Variants in OXA1L observed in about 807,000 individuals in gnomAD.
OXA1L encodes the protein mitochondrial inner membrane protein OXA1L.
Under a neutral mutation model 52.2 loss-of-function variants are expected in OXA1L, and 42 were observed. The observed-to-expected ratio is 0.80, with a 90% CI of 0.63 to 1.04. The LOEUF (loss-of-function observed/expected upper bound fraction) is 1.04. OXA1L is among the 50% of genes least tolerant of loss of function. OXA1L has a pLI of 0.00. For missense variants in OXA1L, 572 were observed against 555.0 expected, an observed-to-expected ratio of 1.03 and a Z score of -0.31; for synonymous variants, 239 against 201.9, an observed-to-expected ratio of 1.18 and a Z score of -1.56.
Position 22,768,322 on chromosome 14 carries a change from A to T in OXA1L, c.439+151A>T, listed in dbSNP as rs1056225927. ...ATAGAGGTTCATGATACCTAGATGCACTCTGCCTATATTTCTTAAAGAGCA... is the reference window on the plus strand; with the variant it reads ...ATAGAGGTTCATGATACCTAGATGCTCTCTGCCTATATTTCTTAAAGAGCA... On this transcript the variant is annotated intron_variant, in intron 3 of 9. Transcript: ENST00000612549. 3 of 629,506 alleles carry T rather than the reference A, an allele frequency of 4.8e-6. No individual in the cohort carries two copies. In the African/African-American group the frequency reaches 5.5e-5, roughly 11 times the overall value. 39.0% of individuals were successfully genotyped at this position (629,506 alleles called of 1,614,324 possible). A position where few individuals can be genotyped will look rare whatever the true frequency, so the allele number is the denominator to read the frequency against.
intron 1 of OXA1L, 183 bp from the exon 2 acceptor site, chr14:22,767,065 T>G: frequency 6.5e-7 from 1 of 1,536,438 alleles, no homozygotes. Flanking sequence ...CGAGCTTCGC[T>G]CTGCAGGCAC....
rs370395580 is a variant in OXA1L at position 22,769,841 on chromosome 14, C to T, written c.490C>T (p.Arg164Ter). The change falls in exon 4 of 10, where the codon CGA (arginine) becomes TGA (stop). Residue 164 changes from arginine (R) to a stop codon, truncating the protein, a stop_gained. Coordinates refer to ENST00000612549, the MANE Select transcript of OXA1L (RefSeq NM_005015.5). LOFTEE classifies it high-confidence loss of function. Reference protein sequence around the residue: ...LIFPLIVTGQREAARIHNHLP... With the variant: ...LIFPLIVTGQ ...TTTTCCTCTCATCGTGACGGGCCAG[C>T]GAGAGGCAGCCAGGATCCACAATCA... is the stretch of plus-strand genomic sequence containing the variant. 6.8e-5 allele frequency: 109 copies of T among 1,613,970 alleles called. No individual in the cohort carries two copies. The highest frequency in any genetic ancestry group is 8.5e-5 in the Non-Finnish European group (100 of 1,179,994).
Position 22,770,464 on chromosome 14 carries a change from CCAATCTTCATCTCCTTCT to C in OXA1L, c.674_691del (p.Pro225_Phe231delinsLeu). 6.2e-7 allele frequency: 1 copy of C among 1,613,094 alleles called. No homozygotes were observed. The highest frequency in any genetic ancestry group is 8.5e-7 in the Non-Finnish European group (1 of 1,179,156). ...CACTGTTTATCTTGTGTAATAGGCC[CCAATCTTCATCTCCTTCT>C]TCATTGCTTTGAGAGAGATGGCCAA... On this transcript the variant is annotated inframe_deletion, in exon 6 of 10. Transcript: ENST00000612549.
At chr14:22,767,765 C>CA in intron 2 of OXA1L, 193 bp from the exon 3 acceptor site, 1 of 531,306 alleles carries the variant, frequency 1.9e-6, no homozygotes, top group Non-Finnish European at 3.3e-6. Context: ...GATTCTTACT[C>CA]AAAGTAACTT....
intron 3 of OXA1L, chr14:22,768,536 C>T (rs991875707): frequency 3.4e-5 from 8 of 235,520 alleles, no homozygotes; most frequent in Non-Finnish European, 6.1e-5. Context: ...TAGAACTCTG[C>T]TTTGAATTAT....
intron 1 of OXA1L, chr14:22,766,968 C>CT: frequency 6.6e-7 from 1 of 1,524,120 alleles, no homozygotes; most frequent in South Asian, 1.2e-5. Flanking sequence ...CTGGAATTGG[C>CT]TTGGCTCCTG....
rs1790272027 is a variant in OXA1L at position 22,767,787 on chromosome 14, TATTG to T, written c.226-168_226-165del. 1.1e-5 allele frequency: 6 copies of T among 555,674 alleles called. 1 individual carries two copies. In the South Asian group the frequency reaches 1.7e-4, roughly 16 times the overall value. 34.4% of individuals were successfully genotyped at this position (555,674 alleles called of 1,614,324 possible). ...ACTCAAAGTAACTTCTCTTCCTAACTATTGATAAAAATGAGATGTCCTTTTTAAG... is the reference window on the plus strand; with the variant it reads ...ACTCAAAGTAACTTCTCTTCCTAACTATAAAAATGAGATGTCCTTTTTAAG... On this transcript the variant is annotated intron_variant, in intron 2 of 9. Coordinates refer to ENST00000612549, the MANE Select transcript of OXA1L (RefSeq NM_005015.5).
chr14:22,768,479 C>T (rs1594938252), intron 3 of OXA1L: 4 of 352,496 alleles, frequency 1.1e-5, no homozygotes, highest in South Asian at 3.2e-5. Context: ...AGGTCAGGCA[C>T]TTAAACCCCT....
chr14:22,770,356 C>T, intron 5 of OXA1L, 78 bp downstream of exon 5: 3 of 1,521,940 alleles, frequency 2.0e-6, no homozygotes, highest in Non-Finnish European at 2.7e-6. Flanking sequence ...GTCCCAGGTC[C>T]CCCAAAAAAC....
Position 22,766,729 on chromosome 14 carries a change from C to A in OXA1L, c.28C>A (p.Arg10=), listed in dbSNP as rs372646622. Residue 10 remains arginine, a synonymous_variant, in exon 1 of 10, where the codon CGG becomes AGG. Coordinates refer to ENST00000612549, the MANE Select transcript of OXA1L (RefSeq NM_005015.5). The stretch of plus-strand genomic sequence containing the variant: ...GGCGATGGGACTAATGTGCGGACGC[C>A]GGGAGCTTCTGCGCTTGCTACAGTC... MAMGLMCGR[R]ELLRLLQSGR... 5.6e-6 allele frequency: 9 copies of A among 1,614,130 alleles called. No individual in the cohort carries two copies. Among genetic ancestry groups the A allele is most frequent in the Non-Finnish European group, 7.6e-6 (9 of 1,180,062 alleles).
Position 22,766,930 on chromosome 14 carries a change from T to A in OXA1L, c.63+166T>A. The A allele has an allele frequency of 2.0e-6, 3 of 1,513,780 alleles. No individual in the cohort carries two copies. In the African/African-American group the frequency reaches 4.1e-5, roughly 21 times the overall value. 93.8% of individuals were successfully genotyped at this position (1,513,780 alleles called of 1,614,324 possible). ...ACGCGCTAGGGTTAGTCCCCGACAC[T>A]ATGGGCCCAGCAGCCCGGTGTCAGC... is the stretch of plus-strand genomic sequence containing the variant. On this transcript the variant is annotated intron_variant, in intron 1 of 9. Transcript: ENST00000612549.
chr14:22,771,585 G>C lies in OXA1L; in HGVS notation c.*27G>C. The C allele has an allele frequency of 6.2e-7, 1 of 1,613,358 alleles. No individual in the cohort carries two copies. The highest frequency in any genetic ancestry group is 8.5e-7 in the Non-Finnish European group (1 of 1,179,398). ...TTATGTTCTGTGCGCATTCTGGCAG[G>C]AATTCTGTCTCTTCAGAGACTCATC... On this transcript the variant is annotated 3_prime_UTR_variant, in exon 10 of 10. Transcript: ENST00000612549.
In OXA1L at chr14:22,766,843, G is replaced by T. The variant is rs752119232; in HGVS notation, c.63+79G>T. On this transcript the variant is annotated intron_variant, in intron 1 of 9. Coordinates refer to ENST00000612549, the MANE Select transcript of OXA1L (RefSeq NM_005015.5). ...GGCCCCAGGACAGCTCGTGCTAGGG[G>T]TATCAGCAGACGCTGACCTGCTCAC... 5.8e-5 allele frequency: 92 copies of T among 1,588,150 alleles called. No homozygotes were observed. In the South Asian group the frequency reaches 8.8e-4, roughly 15 times the overall value.
rs763589010 is a variant in OXA1L, at chr14:22,767,987, T to A, written c.255T>A (p.Thr85=). 2.5e-6 allele frequency: 4 copies of A among 1,613,176 alleles called. No homozygotes were observed. The East Asian group carries it at 6.7e-5, about 27-fold the overall frequency. The part of the protein sequence containing the change: ...QVQAPPVVAA[T]PSPTAVPEVA... ...AGGCCCCTCCTGTTGTTGCTGCAAC[T>A]CCCTCACCCACAGCAGTACCTGAGG... is the stretch of plus-strand genomic sequence containing the variant. Residue 85 remains threonine, a synonymous_variant, in exon 3 of 10, where the codon ACT becomes ACA. Transcript: ENST00000612549.
At position 22,770,908 on chromosome 14, in the gene OXA1L, C is replaced by T. The variant is rs373831852; in HGVS notation, c.938C>T (p.Thr313Met). Residue 313 changes from threonine (T) to methionine (M), a missense_variant and splice_region_variant, in exon 7 of 10, where the codon ACG becomes ATG. Around this residue, in one of 5 missense-constraint regions of OXA1L, gnomAD observed 244 missense variants for 240.2 expected, o/e 1.02. Transcript: ENST00000612549. ...TTGCCCATAACCATGCATTTCCCCA[C>T]GGTATGTAATGCCTTATGGGCTGGC... ...ITLPITMHFPTAVFMYWLSSN... is the reference protein window; with the variant it reads ...ITLPITMHFPMAVFMYWLSSN... 43 of 1,613,540 alleles carry T rather than the reference C, an allele frequency of 2.7e-5. No individual in the cohort carries two copies. Among genetic ancestry groups the T allele is most frequent in the African/African-American group, 1.6e-4 (12 of 75,022 alleles).
At chr14:22,769,102 ATTTAAAAAT>A (rs2038435382) in intron 3 of OXA1L, among the ~76,000 whole-genome samples, 1 of 151,910 alleles carries the variant, frequency 6.6e-6, no homozygotes, top group Admixed American at 6.6e-5. Flanking sequence ...TACGTTCTTT[ATTTAAAAAT>A]ATGCTATTAT....
At chr14:22,768,251 T>G in intron 3 of OXA1L, 80 bp downstream of exon 3, 1 of 1,124,138 alleles carries the variant, frequency 8.9e-7, no homozygotes, top group Non-Finnish European at 1.3e-6. Context: ...CAGGAAGTAG[T>G]TGCAGAAGCT....
chr14:22,766,946 C>T, intron 1 of OXA1L, 182 bp downstream of exon 1: 7 of 1,515,182 alleles, frequency 4.6e-6, no homozygotes, highest in Non-Finnish European at 6.2e-6. Context: ...CCCAGCAGCC[C>T]GGTGTCAGCT....
chr14:22,769,689 C>G (rs1226715756), intron 3 of OXA1L, 102 bp from the exon 4 acceptor site: 1 of 1,247,726 alleles, frequency 8.0e-7, no homozygotes, highest in Non-Finnish European at 1.2e-6. Flanking sequence ...ATAGAATGGA[C>G]AAGGCAAGAA....
Sources: gnomAD v4.1 joint callset for allele counts (sites outside exome capture counted in the v4.1 genomes callset) on GRCh38, gnomAD v4.1.1 for gene constraint, gnomAD v4.1.1 regional missense constraint, MANE v1.5 for transcripts, NCBI Gene and HGNC (gene_info 2026-07-23, HGNC 2026-07-21) for gene names.